C5: variants seen among roughly 807,000 people sequenced by gnomAD.
C5 encodes C3 and PZP-like alpha-2-macroglobulin domain-containing protein 4.
C5 carries 140 observed loss-of-function variants against 218.8 expected under a neutral mutation model. The observed-to-expected ratio is 0.64, with a 90% CI of 0.56 to 0.74. The LOEUF is 0.74. Among genes scored for constraint, C5 ranks in the 30% least tolerant of loss-of-function variants. C5 has a pLI of 0.00. For missense variants in C5, 1,700 were observed against 1,969.6 expected (o/e 0.86, Z 2.59); for synonymous variants, 614 against 682.3 (o/e 0.90, Z 1.56).
intron 9 of C5, 47 bp from the exon 10 acceptor site, chr9:121,023,566 G>T: frequency 2.0e-6 from 2 of 980,392 alleles, no homozygotes; most frequent in South Asian, 1.3e-5. Context: ...GGAGTATCAT[G>T]ATCTGTATGG....
intron 31 of C5, among the ~76,000 whole-genome samples, chr9:120,971,341 T>C (rs1327120075): frequency 6.6e-6 from 1 of 151,780 alleles, no homozygotes; most frequent in Admixed American, 6.6e-5. Context: ...TATATACACA[T>C]ATGCCATATG....
chr9:121,032,048 G>A, intron 6 of C5, 65 bp downstream of exon 6: 1 of 947,842 alleles, frequency 1.1e-6, no homozygotes, highest in East Asian at 2.5e-5. Flanking sequence ...GGGCAACAGA[G>A]CGAGACTCCA....
intron 2 of C5, among the ~76,000 whole-genome samples, chr9:121,044,683 C>T (rs1394547459): frequency 2.0e-5 from 3 of 152,112 alleles, no homozygotes; most frequent in African/African-American, 4.8e-5. Flanking sequence ...ACTATGATTG[C>T]CCCACCTTAA....
chr9:120,959,049 A>T (rs767755851), intron 38 of C5, among the ~76,000 whole-genome samples: 1 of 151,910 alleles, frequency 6.6e-6, no homozygotes, highest in African/African-American at 2.4e-5. Context: ...CAGCCTCCCA[A>T]AGTGCTGGGA....
At chr9:121,025,430 A>ACACACC (rs2131785184) in intron 9 of C5, 24 bp downstream of exon 9, 2 of 1,594,748 alleles carry the variant, frequency 1.3e-6, no homozygotes, top group Non-Finnish European at 1.7e-6. Flanking sequence ...ACACACACAC[A>ACACACC]CACACACACA....
chr9:121,044,948 CTTTT>C (rs1158658235), intron 2 of C5, among the ~76,000 whole-genome samples: 3 of 127,808 alleles, frequency 2.3e-5, no homozygotes, highest in Non-Finnish European at 3.4e-5. Context: ...GTAACACTTT[CTTTT>C]TTTTTTTTTT....
the C5 span, among the ~76,000 whole-genome samples, chr9:121,061,240 A>G: frequency 6.6e-6 from 1 of 152,064 alleles, no homozygotes. Flanking sequence ...AGCTCTGGCC[A>G]CTTACATAAT....
At chr9:121,006,198 A>C in intron 19 of C5, 140 bp from the exon 20 acceptor site, 1 of 738,974 alleles carries the variant, frequency 1.4e-6, no homozygotes, top group Non-Finnish European at 2.2e-6. Context: ...CTCTCAACTC[A>C]TGTCCTTGAA....
At chr9:120,983,156 A>G (rs1315536703) in intron 25 of C5, among the ~76,000 whole-genome samples, 1 of 152,230 alleles carries the variant, frequency 6.6e-6, no homozygotes, top group Non-Finnish European at 1.5e-5. Context: ...ATGAGACATG[A>G]AAGAGTAAAT....
At chr9:121,067,182 C>T in the C5 span, among the ~76,000 whole-genome samples, 7 of 151,992 alleles carry the variant, frequency 4.6e-5, no homozygotes, top group South Asian at 2.1e-4. Context: ...GCAGGAGAAT[C>T]GCTTGGTCCC....
Position 120,952,375 on chromosome 9 carries a change from C to G in C5, c.*364G>C. 1 of 290,888 alleles carries G rather than the reference C, an allele frequency of 3.4e-6. No individual in the cohort carries two copies. The highest frequency in any genetic ancestry group is 3.4e-5 in the South Asian group (1 of 29,266). The allele number at this position is 290,888 out of a possible 1,614,324, so 18.0% of individuals were successfully genotyped here. On this transcript the variant is annotated 3_prime_UTR_variant, in exon 41 of 41. Transcript: ENST00000223642. ...AGGCTTTAATGATCAGTTTCCTGTT[C>G]CTTGGTATTTTCTTTCAAGCAAAGG...
chr9:120,964,162 C>T (rs1460434885), intron 33 of C5, among the ~76,000 whole-genome samples: 1 of 152,212 alleles, frequency 6.6e-6, no homozygotes, highest in Non-Finnish European at 1.5e-5. Flanking sequence ...ATTCAATAAA[C>T]ATGTCCAGGA....
At chr9:121,066,998 G>A in the C5 span, among the ~76,000 whole-genome samples, 1 of 152,118 alleles carries the variant, frequency 6.6e-6, no homozygotes, top group Admixed American at 6.5e-5. Flanking sequence ...GGGCATGATG[G>A]CTCATGCCTG....
intron 40 of C5, among the ~76,000 whole-genome samples, chr9:120,953,527 G>A (rs2046762271): frequency 6.6e-6 from 1 of 152,190 alleles, no homozygotes; most frequent in African/African-American, 2.4e-5. Context: ...ATCAGGTCCA[G>A]ACACTCAGAT....
chr9:121,019,746 A>G (rs1011613824), intron 12 of C5, among the ~76,000 whole-genome samples: 3 of 152,192 alleles, frequency 2.0e-5, no homozygotes, highest in Admixed American at 6.5e-5. Context: ...CTGAGTAACC[A>G]TCATAAGTCT....
chr9:120,970,698 C>T (rs2046905084), intron 31 of C5, among the ~76,000 whole-genome samples: 2 of 152,170 alleles, frequency 1.3e-5, no homozygotes, highest in African/African-American at 4.8e-5. Context: ...TATATTGACA[C>T]CAACCAGAAG....
At chr9:121,049,259 T>C (rs1040725413) in intron 1 of C5, among the ~76,000 whole-genome samples, 1 of 152,208 alleles carries the variant, frequency 6.6e-6, no homozygotes, top group African/African-American at 2.4e-5. Context: ...ACAAGAATCA[T>C]GGAACCCAGG....
At chr9:121,066,311 TAAAAAAAAAAAAA>T in the C5 span, among the ~76,000 whole-genome samples, 1 of 64,234 alleles carries the variant, frequency 1.6e-5, no homozygotes, top group Non-Finnish European at 2.9e-5. Flanking sequence ...GACTCCATCT[TAAAAAAAAAAAAA>T]AAAAAAAAAG....
At chr9:120,976,979 TTA>T (rs1339017249) in intron 28 of C5, 74 bp from the exon 29 acceptor site, 7 of 1,301,900 alleles carry the variant, frequency 5.4e-6, no homozygotes, top group Non-Finnish European at 7.7e-6. Flanking sequence ...ACCAGGTGTA[TTA>T]TGGCCTTCCA....
Sources: gnomAD v4.1 joint callset for allele counts (sites outside exome capture counted in the v4.1 genomes callset) on GRCh38, gnomAD v4.1.1 for gene constraint, MANE v1.5 for transcripts, NCBI Gene and HGNC (gene_info 2026-07-23, HGNC 2026-07-21) for gene names.